Variants in FBXO42 observed in about 807,000 individuals in gnomAD.
FBXO42 encodes F-box protein 42.
Under a neutral mutation model 71.7 loss-of-function variants are expected in FBXO42, and 12 were observed. The ratio of observed to expected loss-of-function variants is 0.17; its 90% CI spans 0.11 to 0.27. The LOEUF (loss-of-function observed/expected upper bound fraction) is 0.27, where lower values mean the gene tolerates loss of function less well. Ranked by LOEUF, FBXO42 falls within the 10% of genes least tolerant of loss-of-function variation. FBXO42 has a pLI of 1.00. For synonymous variants in FBXO42, 325 were observed against 327.5 expected (o/e 0.99, Z 0.08); for missense variants, 707 against 911.9 (o/e 0.78, Z 2.89).
chr1:16,258,517 C>T (rs1430626833), intron 4 of FBXO42, among the ~76,000 whole-genome samples: 7 of 151,840 alleles, frequency 4.6e-5, no homozygotes, highest in South Asian at 4.1e-4. Flanking sequence ...CCACCATGCC[C>T]GACTAATTTT....
At chr1:16,270,274 T>A (rs1052465512) in intron 4 of FBXO42, among the ~76,000 whole-genome samples, 11 of 152,160 alleles carry the variant, frequency 7.2e-5, no homozygotes, top group African/African-American at 2.7e-4. Flanking sequence ...CACCTCTCAA[T>A]ACTGCTACAC....
rs1011806388 is a variant in FBXO42, at chr1:16,262,901, G to A, written c.503-6142C>T. On this transcript the variant is annotated intron_variant, in intron 4 of 9. Coordinates refer to ENST00000375592, the MANE Select transcript of FBXO42 (RefSeq NM_018994.3). ...GTTTTTTGTAATTTTAGTAGAGACA[G>A]CATTTCACCATGTTGTGTAGGCTCG... Among the ~76,000 whole-genome samples, 4 of 151,858 alleles carry A rather than the reference G, an allele frequency of 2.6e-5. No individual in the cohort carries two copies. In the South Asian group the frequency reaches 6.2e-4, roughly 24 times the overall value.
At chr1:16,260,244 T>C (rs1251008165) in intron 4 of FBXO42, among the ~76,000 whole-genome samples, 1 of 150,714 alleles carries the variant, frequency 6.6e-6, no homozygotes, top group Non-Finnish European at 1.5e-5. Flanking sequence ...AATCTCACTC[T>C]GTCACCCAGG....
intron 2 of FBXO42, among the ~76,000 whole-genome samples, chr1:16,307,589 G>A (rs2082265460): frequency 6.6e-6 from 1 of 151,624 alleles, no homozygotes; most frequent in African/African-American, 2.4e-5. Context: ...ACCTGTCTTG[G>A]TCCTAGAGCT....
Position 16,352,374 on chromosome 1 carries a change from C to G in FBXO42, c.-137G>C, listed in dbSNP as rs1369832685. On this transcript the variant is annotated 5_prime_UTR_variant, in exon 1 of 10. Coordinates refer to ENST00000375592, the MANE Select transcript of FBXO42 (RefSeq NM_018994.3). ...GGCCGCGACAGCCGTGCTCGGGGCT[C>G]CTCACAGCTGGCGGGACCCCGAGCC... 2.5e-6 allele frequency: 1 copy of G among 398,826 alleles called. No individual in the cohort carries two copies. Among genetic ancestry groups the G allele is most frequent in the African/African-American group, 2.1e-5 (1 of 48,748 alleles). 24.7% of individuals were successfully genotyped at this position (398,826 alleles called of 1,614,324 possible). A position where few individuals can be genotyped will look rare whatever the true frequency, so the allele number is the denominator to read the frequency against.
chr1:16,346,936 G>T (rs888563105), intron 1 of FBXO42, among the ~76,000 whole-genome samples: 1 of 150,896 alleles, frequency 6.6e-6, no homozygotes, highest in African/African-American at 2.4e-5. Flanking sequence ...GTAGAGATGG[G>T]GTTTCACCAT....
intron 1 of FBXO42, among the ~76,000 whole-genome samples, chr1:16,339,878 G>A (rs373764165): frequency 6.6e-6 from 1 of 152,148 alleles, no homozygotes; most frequent in Non-Finnish European, 1.5e-5. Context: ...CACTTAGCCT[G>A]GGAAATCCAG....
intron 2 of FBXO42, among the ~76,000 whole-genome samples, chr1:16,312,038 C>CA (rs375969379): frequency 1.4e-3 from 213 of 150,094 alleles, no homozygotes; most frequent in African/African-American, 4.6e-3. Flanking sequence ...TCAGCACTAA[C>CA]AAAAAAAAAG....
rs569782553 is a variant in FBXO42, at chr1:16,258,909, T to A, written c.503-2150A>T. Among the ~76,000 whole-genome samples the A allele has an allele frequency of 7.2e-5, 11 of 152,178 alleles. No individual in the cohort carries two copies. The South Asian group carries it at 1.2e-3, about 17-fold the overall frequency. On this transcript the variant is annotated intron_variant, in intron 4 of 9. Transcript: ENST00000375592. ...TGTAATACCATATCCAGCTAATTTT[T>A]AAAATTTTTTTGTTGTGATCAGGTC...
rs2082689983 is a variant in FBXO42 at position 16,350,585 on chromosome 1, A to AG, written c.-18+1669_-18+1670insC. 1.3e-5 allele frequency among the ~76,000 whole-genome samples: 2 copies of AG among 148,226 alleles called. 1 individual carries two copies. Among genetic ancestry groups the AG allele is most frequent in the South Asian group, 4.2e-4 (2 of 4,756 alleles). ...TCTACTAAAATTACAAAAAAAAAAA[A>AG]AAAAAAAAAAAAATTAGCGGGCGTG... On this transcript the variant is annotated intron_variant, in intron 1 of 9. Coordinates refer to ENST00000375592, the MANE Select transcript of FBXO42 (RefSeq NM_018994.3).
At chr1:16,308,655 C>A (rs1488883158) in intron 2 of FBXO42, among the ~76,000 whole-genome samples, 1 of 151,724 alleles carries the variant, frequency 6.6e-6, no homozygotes. Flanking sequence ...CACACCACTG[C>A]ACTCAGCTAA....
Position 16,283,537 on chromosome 1 carries a change from G to A in FBXO42, c.502+11246C>T, listed in dbSNP as rs374988190. 2.1e-4 allele frequency among the ~76,000 whole-genome samples: 24 copies of A among 115,094 alleles called. No individual in the cohort carries two copies. In the South Asian group the frequency reaches 2.7e-3, roughly 13 times the overall value. 75.5% of individuals were successfully genotyped at this position (115,094 alleles called of 152,430 possible). ...TTTTTTGAGACAGTCTCGCTCTGTC[G>A]CCCAGGCTGGAGTGCAGTGGCACAA... On this transcript the variant is annotated intron_variant, in intron 4 of 9. Coordinates refer to ENST00000375592, the MANE Select transcript of FBXO42 (RefSeq NM_018994.3).
At chr1:16,268,130 G>A (rs2081798849) in intron 4 of FBXO42, among the ~76,000 whole-genome samples, 1 of 151,694 alleles carries the variant, frequency 6.6e-6, no homozygotes, top group Admixed American at 6.6e-5. Context: ...TGGGGGTGGG[G>A]GGCATAGGGG....
intron 1 of FBXO42, among the ~76,000 whole-genome samples, chr1:16,331,257 C>CA (rs1363777082): frequency 7.2e-6 from 1 of 138,410 alleles, no homozygotes; most frequent in East Asian, 2.2e-4. Flanking sequence ...ACTAAAAATA[C>CA]AAAAAATTAG....
chr1:16,347,035 G>A lies in FBXO42; in HGVS notation c.-18+5220C>T, dbSNP rs559569048. Among the ~76,000 whole-genome samples the A allele has an allele frequency of 6.6e-5, 10 of 151,674 alleles. No individual in the cohort carries two copies. The South Asian group carries it at 1.9e-3, about 29-fold the overall frequency. On this transcript the variant is annotated intron_variant, in intron 1 of 9. Transcript: ENST00000375592. ...GCTGGGATTATAGGCATGAGCCACC[G>A]CACCCGGCCTGTCAGAATAGTACAA...
chr1:16,337,450 G>T (rs943402420), intron 1 of FBXO42, among the ~76,000 whole-genome samples: 1 of 152,134 alleles, frequency 6.6e-6, no homozygotes, highest in Non-Finnish European at 1.5e-5. Context: ...GATAAGATGA[G>T]GAAAATTGAG....
chr1:16,286,593 C>G (rs2082024471), intron 4 of FBXO42, among the ~76,000 whole-genome samples: 1 of 152,102 alleles, frequency 6.6e-6, no homozygotes, highest in African/African-American at 2.4e-5. Context: ...GGACACAGGG[C>G]CAAACTATAT....
intron 1 of FBXO42, among the ~76,000 whole-genome samples, chr1:16,340,688 CT>C (rs1158570661): frequency 6.6e-6 from 1 of 152,134 alleles, no homozygotes; most frequent in Non-Finnish European, 1.5e-5. Context: ...ACCTTATGTT[CT>C]CATTTATAAT....
chr1:16,251,130 G>A lies in FBXO42; in HGVS notation c.1694C>T (p.Ala565Val), dbSNP rs752191014. 8 of 1,614,112 alleles carry A rather than the reference G, an allele frequency of 5.0e-6. No individual in the cohort carries two copies. The highest frequency in any genetic ancestry group is 2.7e-5 in the African/African-American group (2 of 75,040). ...GGCCGAGGGGCCTTTGGAGGACATC[G>A]CTTTGATGGCTTCCAGACTCCGACG... ...ALRRSLEAIK[A>V]MSSKGPSASA... The change falls in exon 10 of 10, where the codon GCG becomes GTG. Residue 565 changes from alanine to valine, a missense_variant. By Grantham distance (64) the Ala-to-Val change is moderately conservative. This residue lies in a region of FBXO42 where 482 missense variants were observed against 587.1 expected (regional missense o/e 0.82). Coordinates refer to ENST00000375592, the MANE Select transcript of FBXO42 (RefSeq NM_018994.3). The surrounding 1 kb of genome is among the most constrained non-coding windows in gnomAD (Gnocchi z 4.5).
Sources: allele counts gnomAD v4.1 joint callset (sites outside exome capture counted in the v4.1 genomes callset), GRCh38; gene constraint gnomAD v4.1.1; regional missense constraint gnomAD v4.1.1; non-coding constraint Gnocchi (gnomAD v3.1); transcripts MANE v1.5; gene names NCBI Gene and HGNC (gene_info 2026-07-23, HGNC 2026-07-21).